LIX1: variants seen among roughly 807,000 people sequenced by gnomAD.
The protein encoded by LIX1 is limb and CNS expressed 1, also known as protein limb expression 1 homolog.
Under a neutral mutation model 33.4 loss-of-function variants are expected in LIX1, and 24 were observed. The ratio of observed to expected loss-of-function variants is 0.72; its 90% CI spans 0.52 to 1.01. The LOEUF (loss-of-function observed/expected upper bound fraction) is 1.01. Among genes scored for constraint, LIX1 ranks in the 50% least tolerant of loss-of-function variants. The pLI is 0.00. For missense variants in LIX1, 311 were observed against 339.2 expected, an observed-to-expected ratio of 0.92 and a Z score of 0.65; for synonymous variants, 124 against 124.0, an observed-to-expected ratio of 1.00 and a Z score of 0.00.
intron 1 of LIX1, among the ~76,000 whole-genome samples, chr5:97,141,995 T>C (rs531125022): frequency 6.6e-6 from 1 of 152,358 alleles, no homozygotes; most frequent in Admixed American, 6.5e-5. Flanking sequence ...AACTAAAGCA[T>C]TATAATCTGT....
intron 1 of LIX1, among the ~76,000 whole-genome samples, chr5:97,136,756 G>A (rs6885162): frequency 0.011 from 1,703 of 152,038 alleles, 24 homozygotes; most frequent in African/African-American, 0.039. Context: ...AAAAAAAACC[G>A]AAACCATAAT....
chr5:97,135,615 T>C (rs1031427755), intron 1 of LIX1, among the ~76,000 whole-genome samples: 2 of 152,104 alleles, frequency 1.3e-5, no homozygotes, highest in African/African-American at 4.8e-5. Flanking sequence ...GGTCAGGAGT[T>C]TGAGACCAGA....
chr5:97,116,420 G>C (rs1297412638), intron 2 of LIX1, among the ~76,000 whole-genome samples: 1 of 152,004 alleles, frequency 6.6e-6, no homozygotes, highest in East Asian at 1.9e-4. Flanking sequence ...GCTGGGGATG[G>C]GGGTCTTAGC....
intron 1 of LIX1, among the ~76,000 whole-genome samples, chr5:97,138,168 T>C (rs762461814): frequency 1.3e-5 from 2 of 152,262 alleles, no homozygotes; most frequent in Non-Finnish European, 2.9e-5. Flanking sequence ...GGATCCATCT[T>C]ACTTTTTCAT....
chr5:97,126,115 T>C (rs1018150281), intron 1 of LIX1, among the ~76,000 whole-genome samples: 1 of 152,258 alleles, frequency 6.6e-6, no homozygotes. Flanking sequence ...CACATGCATA[T>C]GAAAAGTACA....
At chr5:97,112,196 C>A (rs989469880) in intron 2 of LIX1, among the ~76,000 whole-genome samples, 1 of 152,174 alleles carries the variant, frequency 6.6e-6, no homozygotes, top group African/African-American at 2.4e-5. Flanking sequence ...CCTCTCAGCC[C>A]ATAAGAATCT....
intron 4 of LIX1, among the ~76,000 whole-genome samples, chr5:97,098,711 A>C (rs1487074180): frequency 1.3e-5 from 2 of 152,116 alleles, no homozygotes; most frequent in East Asian, 1.9e-4. Flanking sequence ...ATAATATTTT[A>C]TCTCTTAAAA....
chr5:97,124,386 TA>T, intron 2 of LIX1, 79 bp downstream of exon 2: 1 of 1,232,242 alleles, frequency 8.1e-7, no homozygotes, highest in Non-Finnish European at 1.1e-6. Context: ...AGAAAATTTG[TA>T]ATGTTACCAG....
chr5:97,121,037 C>CT (rs1210731065), intron 2 of LIX1, among the ~76,000 whole-genome samples: 3 of 152,074 alleles, frequency 2.0e-5, no homozygotes, highest in African/African-American at 7.2e-5. Flanking sequence ...AAAGATCTGT[C>CT]TTTCTTATTT....
chr5:97,130,391 C>T (rs1748029324), intron 1 of LIX1, among the ~76,000 whole-genome samples: 1 of 152,172 alleles, frequency 6.6e-6, no homozygotes, highest in South Asian at 2.1e-4. Context: ...CTACTCTCTC[C>T]CAGTGGACAC....
chr5:97,120,616 G>A (rs917008088), intron 2 of LIX1, among the ~76,000 whole-genome samples: 3 of 152,154 alleles, frequency 2.0e-5, no homozygotes, highest in Non-Finnish European at 4.4e-5. Flanking sequence ...CATTTCCTAA[G>A]TAGATCTCAA....
intron 4 of LIX1, 138 bp from the exon 5 acceptor site, chr5:97,097,025 C>T (rs1162877840): frequency 1.4e-6 from 1 of 691,662 alleles, no homozygotes; most frequent in African/African-American, 1.8e-5. Context: ...GGGACTTTCC[C>T]AAGCCCAGGG....
chr5:97,099,728 T>A (rs1032889842), intron 4 of LIX1, among the ~76,000 whole-genome samples: 5 of 152,040 alleles, frequency 3.3e-5, no homozygotes, highest in Non-Finnish European at 7.4e-5. Context: ...TCCCAGCTAC[T>A]CGGGAGGCTG....
chr5:97,129,904 C>T (rs1170013950), intron 1 of LIX1, among the ~76,000 whole-genome samples: 10 of 152,160 alleles, frequency 6.6e-5, no homozygotes, highest in African/African-American at 2.4e-5. Flanking sequence ...TACCTTTTTC[C>T]GTGGGCCATT....
At chr5:97,123,557 C>T (rs1747836641) in intron 2 of LIX1, among the ~76,000 whole-genome samples, 1 of 152,334 alleles carries the variant, frequency 6.6e-6, no homozygotes, top group East Asian at 1.9e-4. Flanking sequence ...TTCAGCCTCT[C>T]AGCCATTTAA....
Position 97,094,758 on chromosome 5 carries a change from C to A in LIX1, c.839G>T (p.Gly280Val), listed in dbSNP as rs765623132. 1 of 1,613,386 alleles carries A rather than the reference C, an allele frequency of 6.2e-7. No individual in the cohort carries two copies. Among genetic ancestry groups the A allele is most frequent in the Admixed American group, 1.7e-5 (1 of 59,990 alleles). ...DDQLSLTALCGYH is the reference protein window; with the variant it reads ...DDQLSLTALCVYH Reference sequence around the variant, plus strand: ...CGGGGCTTGGCCTTGCTAGTGATAGCCACACAGGGCCGTAAGGCTCAGCTG... The same window carrying A: ...CGGGGCTTGGCCTTGCTAGTGATAGACACACAGGGCCGTAAGGCTCAGCTG... The change falls in exon 6 of 6, where the codon GGC becomes GTC. Residue 280 changes from glycine to valine, a missense_variant. Gly to Val is a moderately radical substitution (Grantham distance 109, BLOSUM62 -3). Transcript: ENST00000274382.
chr5:97,136,645 G>T (rs1004523010), intron 1 of LIX1, among the ~76,000 whole-genome samples: 1 of 152,100 alleles, frequency 6.6e-6, no homozygotes, highest in Non-Finnish European at 1.5e-5. Context: ...AATAGCACAG[G>T]CCATAAGTGC....
intron 1 of LIX1, among the ~76,000 whole-genome samples, chr5:97,124,843 G>A (rs1286287000): frequency 1.3e-5 from 2 of 152,084 alleles, no homozygotes; most frequent in Non-Finnish European, 1.5e-5. Context: ...AATTGAACCT[G>A]TTATTTACAA....
chr5:97,125,121 C>A (rs189445647), intron 1 of LIX1, among the ~76,000 whole-genome samples: 67 of 152,268 alleles, frequency 4.4e-4, no homozygotes, highest in African/African-American at 1.6e-3. Flanking sequence ...CTTTCATGCT[C>A]CTTCCACCCC....
Sources: gnomAD v4.1 joint callset for allele counts (sites outside exome capture counted in the v4.1 genomes callset) on GRCh38, gnomAD v4.1.1 for gene constraint, MANE v1.5 for transcripts, NCBI Gene and HGNC (gene_info 2026-07-23, HGNC 2026-07-21) for gene names.